Variants in ROR1 observed in about 807,000 individuals in gnomAD.
ROR1 encodes inactive tyrosine-protein kinase transmembrane receptor ROR1.
Under a neutral mutation model 78.8 loss-of-function variants are expected in ROR1, and 19 were observed. The ratio of observed to expected loss-of-function variants is 0.24; its 90% CI spans 0.17 to 0.35. ROR1 has a LOEUF of 0.35. Among genes scored for constraint, ROR1 ranks in the 10% least tolerant of loss-of-function variants. The pLI is 1.00. For missense variants in ROR1, 917 were observed against 1,177.8 expected, an observed-to-expected ratio of 0.78 and a Z score of 3.24; for synonymous variants, 386 against 433.6, an observed-to-expected ratio of 0.89 and a Z score of 1.36.
intron 1 of ROR1, among the ~76,000 whole-genome samples, chr1:63,963,942 C>T (rs375796437): frequency 1.2e-4 from 18 of 152,128 alleles, no homozygotes; most frequent in African/African-American, 3.9e-4. Flanking sequence ...CGTGAAGCTA[C>T]TGTATCAGTC....
At chr1:63,953,677 A>G (rs528871578) in intron 1 of ROR1, among the ~76,000 whole-genome samples, 128 of 152,330 alleles carry the variant, frequency 8.4e-4, no homozygotes, top group African/African-American at 3.0e-3. Context: ...GGGTTGCAGT[A>G]GATGGAGAGT....
At chr1:63,850,337 CTT>C (rs562866919) in intron 1 of ROR1, among the ~76,000 whole-genome samples, 21 of 152,134 alleles carry the variant, frequency 1.4e-4, no homozygotes, top group Non-Finnish European at 2.2e-4. Context: ...GCCATGAAAA[CTT>C]TGACTTATCT....
chr1:63,990,733 CAT>C (rs779223285), intron 1 of ROR1, among the ~76,000 whole-genome samples: 12 of 152,086 alleles, frequency 7.9e-5, no homozygotes, highest in Admixed American at 2.0e-4. Context: ...CTCCCAAACA[CAT>C]GTTATGTGTT....
chr1:63,928,442 C>T (rs1156453145), intron 1 of ROR1, among the ~76,000 whole-genome samples: 1 of 152,188 alleles, frequency 6.6e-6, no homozygotes, highest in Admixed American at 6.5e-5. Flanking sequence ...CATTTTACAG[C>T]AGGCGTGGCA....
intron 4 of ROR1, among the ~76,000 whole-genome samples, chr1:64,065,686 T>C (rs1646950646): frequency 6.6e-6 from 1 of 152,148 alleles, no homozygotes; most frequent in Non-Finnish European, 1.5e-5. Flanking sequence ...CTGTGTGACA[T>C]ACACTTCAGT....
intron 4 of ROR1, among the ~76,000 whole-genome samples, chr1:64,077,756 C>T (rs1647063755): frequency 6.6e-6 from 1 of 152,230 alleles, no homozygotes; most frequent in Non-Finnish European, 1.5e-5. Context: ...TTTCTAATTT[C>T]ATGAAGATAA....
intron 4 of ROR1, among the ~76,000 whole-genome samples, chr1:64,133,610 C>G (rs1344244074): frequency 1.3e-5 from 2 of 152,224 alleles, no homozygotes; most frequent in Non-Finnish European, 2.9e-5. Flanking sequence ...CATGAGCTCC[C>G]ATCACAAAGC....
intron 1 of ROR1, chr1:63,789,297 A>C (rs1450760987): frequency 5.6e-6 from 3 of 537,036 alleles, no homozygotes; most frequent in Non-Finnish European, 1.0e-5. Context: ...AAGCCTGAGC[A>C]TACTCATGGC....
intron 1 of ROR1, among the ~76,000 whole-genome samples, chr1:63,838,301 G>GCCTT (rs1355469106): frequency 2.0e-5 from 3 of 151,638 alleles, no homozygotes; most frequent in African/African-American, 4.8e-5. Context: ...GGACCTGAAG[G>GCCTT]CAGGTCCTTC....
At chr1:63,954,367 C>T (rs1645965054) in intron 1 of ROR1, among the ~76,000 whole-genome samples, 1 of 152,216 alleles carries the variant, frequency 6.6e-6, no homozygotes, top group Non-Finnish European at 1.5e-5. Flanking sequence ...GTCATATGGT[C>T]ACACCTAGCT....
intron 1 of ROR1, among the ~76,000 whole-genome samples, chr1:63,824,868 A>G (rs943167060): frequency 5.3e-5 from 8 of 152,302 alleles, no homozygotes; most frequent in Non-Finnish European, 1.0e-4. Context: ...CGTATGTATA[A>G]TGTCTTTCTT....
intron 1 of ROR1, among the ~76,000 whole-genome samples, chr1:63,966,261 G>A (rs1452183969): frequency 6.6e-6 from 1 of 152,184 alleles, no homozygotes; most frequent in African/African-American, 2.4e-5. Context: ...AGCTGTCAAA[G>A]CGACAGTCGG....
intron 4 of ROR1, among the ~76,000 whole-genome samples, chr1:64,078,606 AC>A (rs1647072392): frequency 6.6e-6 from 1 of 152,136 alleles, no homozygotes; most frequent in South Asian, 2.1e-4. Context: ...AGAGGGAGAA[AC>A]TAAAAATGCC....
intron 1 of ROR1, among the ~76,000 whole-genome samples, chr1:63,905,209 A>G (rs1405094349): frequency 1.3e-5 from 2 of 152,202 alleles, no homozygotes; most frequent in Non-Finnish European, 2.9e-5. Flanking sequence ...TCAATAGTGC[A>G]GTTGAACTAG....
At chr1:64,133,398 A>G (rs1218989840) in intron 4 of ROR1, among the ~76,000 whole-genome samples, 1 of 152,146 alleles carries the variant, frequency 6.6e-6, no homozygotes, top group Non-Finnish European at 1.5e-5. Context: ...TGGTTCCTAG[A>G]TGGGCACTCC....
chr1:63,934,068 G>A (rs1645775032), intron 1 of ROR1, among the ~76,000 whole-genome samples: 1 of 152,182 alleles, frequency 6.6e-6, no homozygotes, highest in Non-Finnish European at 1.5e-5. Flanking sequence ...GTTGTTGGTG[G>A]TGGTGAGGAG....
chr1:63,819,527 T>C (rs957973143), intron 1 of ROR1, among the ~76,000 whole-genome samples: 3 of 152,200 alleles, frequency 2.0e-5, no homozygotes, highest in African/African-American at 7.2e-5. Flanking sequence ...AAAAAAGGTA[T>C]GGATAGAGTT....
At chr1:64,084,992 C>T (rs1027754476) in intron 4 of ROR1, among the ~76,000 whole-genome samples, 5 of 152,148 alleles carry the variant, frequency 3.3e-5, no homozygotes, top group Admixed American at 2.6e-4. Flanking sequence ...TAATCTTTCT[C>T]ATAGCATACT....
chr1:64,014,685 A>G (rs1262495492), intron 2 of ROR1, among the ~76,000 whole-genome samples: 1 of 122,456 alleles, frequency 8.2e-6, no homozygotes, highest in African/African-American at 3.0e-5. Context: ...CCTGTTTCCA[A>G]CTGCAAATAG....
Sources: allele counts gnomAD v4.1 joint callset (sites outside exome capture counted in the v4.1 genomes callset), GRCh38; gene constraint gnomAD v4.1.1; transcripts MANE v1.5; gene names NCBI Gene and HGNC (gene_info 2026-07-23, HGNC 2026-07-21).